SERPINB10: variants seen among roughly 807,000 people sequenced by gnomAD.
SERPINB10 encodes the protein serpin family B member 10.
Under a neutral mutation model 39.1 loss-of-function variants are expected in SERPINB10, and 35 were observed. That is an observed-to-expected ratio of 0.90 (90% CI 0.68 to 1.19). SERPINB10 has a LOEUF of 1.19. SERPINB10 is among the 50% of genes most tolerant of loss of function. The probability of loss-of-function intolerance (pLI) is 0.00; values close to 1 mark genes in which losing one functional copy is unlikely to be tolerated. For missense variants in SERPINB10, 546 were observed against 460.5 expected (o/e 1.19, Z -1.70); for synonymous variants, 190 against 158.1 (o/e 1.20, Z -1.52).
At position 63,933,050 on chromosome 18, in the gene SERPINB10, T is replaced by A. The variant is rs753605597; in HGVS notation, c.636T>A (p.Thr212=). The change falls in exon 7 of 8, where the codon ACT becomes ACA. Residue 212 remains threonine, a splice_region_variant and synonymous_variant. Transcript: ENST00000238508. ...TTTTGTTTTTTTGTTTTTTTTAGAC[T>A]ACAAGCAAACCAGTGCAAATGATGT... ...TTEKPFRINE[T]TSKPVQMMFM... is the part of the protein sequence containing the mutation. The A allele has an allele frequency of 3.1e-6, 5 of 1,610,950 alleles. No homozygotes were observed. The South Asian group carries it at 3.3e-5, about 11-fold the overall frequency.
chr18:63,934,052 T>C (rs561765686), intron 7 of SERPINB10, among the ~76,000 whole-genome samples: 48 of 152,274 alleles, frequency 3.2e-4, no homozygotes, highest in Middle Eastern at 6.8e-3. Context: ...AACCTAGAAG[T>C]GCAATTTCCT....
chr18:63,925,695 G>C (rs1251663461), intron 5 of SERPINB10, among the ~76,000 whole-genome samples: 2 of 151,930 alleles, frequency 1.3e-5, no homozygotes, highest in Admixed American at 6.6e-5. Flanking sequence ...TCTCACAGTA[G>C]AATTCTAGTT....
intron 1 of SERPINB10, among the ~76,000 whole-genome samples, chr18:63,914,135 C>T (rs62097467): frequency 0.37 from 56,562 of 151,952 alleles, 14,047 homozygotes; most frequent in African/African-American, 0.7. Flanking sequence ...CCTCCAACCA[C>T]TTAGTTTAAG....
intron 1 of SERPINB10, among the ~76,000 whole-genome samples, chr18:63,908,729 A>T (rs563978101): frequency 6.6e-6 from 1 of 152,164 alleles, no homozygotes; most frequent in East Asian, 1.9e-4. Context: ...GGAAGCTGTC[A>T]TTCTCTGATA....
At chr18:63,927,807 G>A (rs952393984) in intron 5 of SERPINB10, among the ~76,000 whole-genome samples, 6 of 152,106 alleles carry the variant, frequency 3.9e-5, no homozygotes, top group African/African-American at 1.2e-4. Flanking sequence ...TGTAATTTAG[G>A]GTTTATTTGT....
At chr18:63,927,705 C>A (rs894598114) in intron 5 of SERPINB10, among the ~76,000 whole-genome samples, 3 of 152,086 alleles carry the variant, frequency 2.0e-5, no homozygotes, top group Non-Finnish European at 2.9e-5. Flanking sequence ...CACAAATATT[C>A]AGGCCATATC....
intron 2 of SERPINB10, 121 bp downstream of exon 2, chr18:63,915,799 C>G: frequency 1.2e-6 from 1 of 854,746 alleles, no homozygotes; most frequent in East Asian, 2.7e-5. Flanking sequence ...TTCTCTAAAA[C>G]AAGACATACA....
chr18:63,910,760 T>G (rs1955361), intron 1 of SERPINB10, among the ~76,000 whole-genome samples: 23 of 83,574 alleles, frequency 2.8e-4, no homozygotes, highest in African/African-American at 9.7e-4. Flanking sequence ...TGATGAACAC[T>G]TGTGTGTGTG....
intron 2 of SERPINB10, among the ~76,000 whole-genome samples, chr18:63,915,973 A>G (rs1207684868): frequency 6.6e-6 from 1 of 152,044 alleles, no homozygotes; most frequent in Admixed American, 6.6e-5. Flanking sequence ...TATTTTGATG[A>G]TATTATTTCA....
At chr18:63,917,567 A>G (rs1419239000) in intron 3 of SERPINB10, 46 bp downstream of exon 3, 12 of 1,102,222 alleles carry the variant, frequency 1.1e-5, no homozygotes, top group Admixed American at 2.9e-5. Context: ...AGGAAAAAGT[A>G]CTTTTAGCAC....
At chr18:63,918,985 A>G (rs2050125650) in intron 4 of SERPINB10, among the ~76,000 whole-genome samples, 1 of 152,010 alleles carries the variant, frequency 6.6e-6, no homozygotes. Flanking sequence ...TTTTCCTTTT[A>G]TTAGATTTTA....
At chr18:63,930,499 A>AG (rs1246277023) in intron 6 of SERPINB10, among the ~76,000 whole-genome samples, 1 of 152,148 alleles carries the variant, frequency 6.6e-6, no homozygotes, top group Non-Finnish European at 1.5e-5. Flanking sequence ...AGTTAGAAGC[A>AG]GTCCAGAACA....
chr18:63,928,593 C>T (rs2050196646), intron 5 of SERPINB10, among the ~76,000 whole-genome samples: 1 of 151,950 alleles, frequency 6.6e-6, no homozygotes, highest in African/African-American at 2.4e-5. Flanking sequence ...TATTTCAGTC[C>T]CCTCGAAATA....
At chr18:63,932,391 G>A (rs1005605019) in intron 6 of SERPINB10, among the ~76,000 whole-genome samples, 3 of 152,122 alleles carry the variant, frequency 2.0e-5, no homozygotes, top group Non-Finnish European at 4.4e-5. Flanking sequence ...GACAGTGCCT[G>A]TTGCTTCATA....
At chr18:63,911,760 G>T (rs1838413016) in intron 1 of SERPINB10, among the ~76,000 whole-genome samples, 1 of 151,552 alleles carries the variant, frequency 6.6e-6, no homozygotes, top group African/African-American at 2.4e-5. Context: ...GGATATTGGG[G>T]CTCTTTTCTT....
At chr18:63,917,617 A>T in intron 3 of SERPINB10, 96 bp downstream of exon 3, 1 of 679,928 alleles carries the variant, frequency 1.5e-6, no homozygotes, top group Non-Finnish European at 2.3e-6. Flanking sequence ...TTAGCAGGTA[A>T]TTTTTCTTAG....
intron 5 of SERPINB10, among the ~76,000 whole-genome samples, chr18:63,927,712 T>C (rs1013013801): frequency 6.6e-6 from 1 of 152,154 alleles, no homozygotes; most frequent in Non-Finnish European, 1.5e-5. Flanking sequence ...ATTCAGGCCA[T>C]ATCAGCAACA....
chr18:63,916,562 G>A (rs1342737853), intron 2 of SERPINB10, among the ~76,000 whole-genome samples: 1 of 152,000 alleles, frequency 6.6e-6, no homozygotes, highest in African/African-American at 2.4e-5. Context: ...ATATCAGGTG[G>A]TTTAAAAACA....
At chr18:63,912,921 G>A (rs550698562) in intron 1 of SERPINB10, among the ~76,000 whole-genome samples, 2 of 151,776 alleles carry the variant, frequency 1.3e-5, no homozygotes, top group African/African-American at 4.8e-5. Flanking sequence ...GCGTTTTTTG[G>A]TTGGTAGGAT....
Sources: allele counts gnomAD v4.1 joint callset (sites outside exome capture counted in the v4.1 genomes callset), GRCh38; gene constraint gnomAD v4.1.1; transcripts MANE v1.5; gene names NCBI Gene and HGNC (gene_info 2026-07-23, HGNC 2026-07-21).